Variants in CAST observed in about 807,000 individuals in gnomAD.
The protein encoded by CAST is MIR583 host.
Under a neutral mutation model 119.6 loss-of-function variants are expected in CAST, and 76 were observed. That is an observed-to-expected ratio of 0.64 (90% CI 0.53 to 0.77). CAST has a LOEUF of 0.77. Among genes scored for constraint, CAST ranks in the 30% least tolerant of loss-of-function variants. CAST has a pLI of 0.00. For missense variants in CAST, 953 were observed against 946.5 expected, an observed-to-expected ratio of 1.01 and a Z score of -0.09; for synonymous variants, 319 against 331.6, an observed-to-expected ratio of 0.96 and a Z score of 0.41.
chr5:96,367,132 C>T, the CAST span, among the ~76,000 whole-genome samples: 4 of 152,186 alleles, frequency 2.6e-5, no homozygotes, highest in African/African-American at 7.2e-5. Flanking sequence ...GTGGAGGCTG[C>T]AGAACAGTGA....
chr5:96,691,368 T>A (rs553647092), intron 2 of CAST, among the ~76,000 whole-genome samples: 3 of 152,350 alleles, frequency 2.0e-5, no homozygotes, highest in African/African-American at 7.2e-5. Flanking sequence ...CCAAGTAACT[T>A]AACAGTATCC....
chr5:96,333,733 T>A, the CAST span, among the ~76,000 whole-genome samples: 1 of 152,074 alleles, frequency 6.6e-6, no homozygotes, highest in African/African-American at 2.4e-5. Context: ...CTCAGCACAG[T>A]GATTGCTCAG....
chr5:96,167,582 A>G, the CAST span, among the ~76,000 whole-genome samples: 5 of 152,092 alleles, frequency 3.3e-5, no homozygotes, highest in Admixed American at 2.6e-4. Context: ...GTGTGTTTTT[A>G]AAAGACCATT....
At chr5:96,763,179 G>A (rs1768607942) in intron 25 of CAST, 1 of 780,670 alleles carries the variant, frequency 1.3e-6, no homozygotes, top group Non-Finnish European at 2.4e-6. Flanking sequence ...TAGTGCTGTA[G>A]TCTGAGATTC....
At chr5:96,448,724 G>C in the CAST span, among the ~76,000 whole-genome samples, 1 of 151,950 alleles carries the variant, frequency 6.6e-6, no homozygotes, top group Non-Finnish European at 1.5e-5. Context: ...TCACATAAGG[G>C]AGGAGTCTGG....
At chr5:96,350,251 G>T in the CAST span, among the ~76,000 whole-genome samples, 1 of 152,104 alleles carries the variant, frequency 6.6e-6, no homozygotes. Context: ...GTAGATAAGA[G>T]ACAAACAGTT....
intron 1 of CAST, among the ~76,000 whole-genome samples, chr5:96,579,878 T>C (rs1746740206): frequency 6.6e-6 from 1 of 152,238 alleles, no homozygotes; most frequent in Non-Finnish European, 1.5e-5. Context: ...ATTATGGGCC[T>C]AGTCATCATT....
chr5:96,420,071 TA>T, the CAST span, among the ~76,000 whole-genome samples: 1 of 152,140 alleles, frequency 6.6e-6, no homozygotes, highest in Non-Finnish European at 1.5e-5. Context: ...CCCGTAGTCT[TA>T]ACCAAGGGGG....
chr5:96,335,191 T>A, the CAST span, among the ~76,000 whole-genome samples: 1,500 of 152,328 alleles, frequency 9.8e-3, 25 homozygotes, highest in African/African-American at 0.034. Context: ...CTTAGTGATG[T>A]CCTATCTCTT....
At chr5:96,670,732 C>T (rs981113526) in intron 1 of CAST, among the ~76,000 whole-genome samples, 3 of 152,192 alleles carry the variant, frequency 2.0e-5, no homozygotes, top group Non-Finnish European at 4.4e-5. Flanking sequence ...TCCTGATCTC[C>T]TGATCTGCCC....
In CAST at chr5:96,568,121, G is replaced by C. The variant is rs1273956763; in HGVS notation, c.60+38241G>C. On this transcript the variant is annotated intron_variant, in intron 1 of 11. Coordinates refer to the CAST transcript ENST00000505143. ...TTTTCTGGGTAGTGAAGATCCTTTC[G>C]CATTTTTAGGTGTGTTAAGAGCAAG... Among the ~76,000 whole-genome samples, 6 of 152,056 alleles carry C rather than the reference G, an allele frequency of 3.9e-5. No individual in the cohort carries two copies. In the South Asian group the frequency reaches 1.0e-3, roughly 26 times the overall value.
At chr5:96,438,081 A>G in the CAST span, among the ~76,000 whole-genome samples, 1 of 151,968 alleles carries the variant, frequency 6.6e-6, no homozygotes, top group African/African-American at 2.4e-5. Flanking sequence ...AACATCCCCA[A>G]CCTTTTTAAC....
At chr5:96,104,267 T>G in the CAST span, among the ~76,000 whole-genome samples, 2 of 152,246 alleles carry the variant, frequency 1.3e-5, no homozygotes, top group African/African-American at 2.4e-5. Flanking sequence ...TTTTGGCTTT[T>G]GTTGCCATTG....
At chr5:96,244,204 A>G in the CAST span, among the ~76,000 whole-genome samples, 6 of 152,322 alleles carry the variant, frequency 3.9e-5, no homozygotes, top group South Asian at 1.2e-3. Context: ...TATCTTTCCA[A>G]TAAATTCACT....
chr5:96,571,522 C>G (rs1331984354), intron 1 of CAST, among the ~76,000 whole-genome samples: 1 of 152,194 alleles, frequency 6.6e-6, no homozygotes, highest in East Asian at 1.9e-4. Context: ...AGGTCCATTC[C>G]TCTAAAGATG....
At chr5:96,314,124 T>G in the CAST span, among the ~76,000 whole-genome samples, 1 of 152,180 alleles carries the variant, frequency 6.6e-6, no homozygotes, top group Non-Finnish European at 1.5e-5. Flanking sequence ...TTAGAAGAGT[T>G]TTTGCTCATT....
intron 3 of CAST, among the ~76,000 whole-genome samples, chr5:96,709,471 C>T (rs987206947): frequency 6.6e-6 from 1 of 152,168 alleles, no homozygotes; most frequent in African/African-American, 2.4e-5. Flanking sequence ...TAAAGCTTAC[C>T]TATCTATTTT....
chr5:96,190,307 G>A, the CAST span, among the ~76,000 whole-genome samples: 1 of 152,148 alleles, frequency 6.6e-6, no homozygotes, highest in Admixed American at 6.5e-5. Flanking sequence ...TGCATCAGAA[G>A]TCCTGGGGTA....
the CAST span, among the ~76,000 whole-genome samples, chr5:96,223,978 C>T: frequency 2.6e-5 from 4 of 151,996 alleles, no homozygotes; most frequent in Admixed American, 1.3e-4. Context: ...CAATTGGTCT[C>T]GGCAGAGTGG....
Sources: allele counts gnomAD v4.1 joint callset (sites outside exome capture counted in the v4.1 genomes callset), GRCh38; gene constraint gnomAD v4.1.1; transcripts MANE v1.5; gene names NCBI Gene and HGNC (gene_info 2026-07-23, HGNC 2026-07-21).